The following SOX6 variants were observed in gnomAD, a reference collection of about 807,000 sequenced individuals.
SOX6 encodes transcription factor SOX-6.
A neutral mutation model predicts 97.8 loss-of-function variants in SOX6; 11 were observed. The ratio of observed to expected loss-of-function variants is 0.11; its 90% CI spans 0.07 to 0.19. The LOEUF (loss-of-function observed/expected upper bound fraction) is 0.19. Among genes scored for constraint, SOX6 ranks in the 10% least tolerant of loss-of-function variants. The pLI is 1.00. For synonymous variants in SOX6, 360 were observed against 371.4 expected, an observed-to-expected ratio of 0.97 and a Z score of 0.35; for missense variants, 810 against 1,039.5, an observed-to-expected ratio of 0.78 and a Z score of 3.04.
rs866577511 is a variant in SOX6, at chr11:16,413,331, A to G, written c.-5+62984T>C. On this transcript the variant is annotated intron_variant, in intron 1 of 15. Coordinates refer to the SOX6 transcript ENST00000396356. Reference sequence around the variant, plus strand: ...TCATTCCATCATCCCCTTTAAGTCTAAATTCTTAGAACTCTTGCAAAGATT... The same window carrying G: ...TCATTCCATCATCCCCTTTAAGTCTGAATTCTTAGAACTCTTGCAAAGATT... Among the ~76,000 whole-genome samples, 6 of 152,142 alleles carry G rather than the reference A, an allele frequency of 3.9e-5. No homozygotes were observed. In the South Asian group the frequency reaches 1.2e-3, roughly 32 times the overall value.
At chr11:16,348,885 G>T (rs1394469772) in intron 1 of SOX6, among the ~76,000 whole-genome samples, 2 of 152,038 alleles carry the variant, frequency 1.3e-5, no homozygotes, top group East Asian at 1.9e-4. Flanking sequence ...TTCATCTCAT[G>T]AAAGTGATTT....
chr11:16,214,959 C>T (rs935292821), intron 4 of SOX6, among the ~76,000 whole-genome samples: 1 of 151,794 alleles, frequency 6.6e-6, no homozygotes, highest in East Asian at 1.9e-4. Context: ...CATGTTGATC[C>T]GGCTGGCCTC....
In SOX6 at chr11:16,625,547, T is replaced by C. The variant is rs144501485; in HGVS notation, n.430-13287A>G. On this transcript the variant is annotated intron_variant and non_coding_transcript_variant, in intron 3 of 5. Transcript: ENST00000524520. Reference sequence around the variant, plus strand: ...TGTGTGAGAGGAGCATCTTTTGTTCTAACAAGGTGACTCCTGATGGGCTCC... The same window carrying C: ...TGTGTGAGAGGAGCATCTTTTGTTCCAACAAGGTGACTCCTGATGGGCTCC... Among the ~76,000 whole-genome samples the C allele has an allele frequency of 2.0e-5, 3 of 152,312 alleles. No individual in the cohort carries two copies. In the East Asian group the frequency reaches 5.8e-4, roughly 29 times the overall value.
At chr11:16,712,598 C>A (rs1450753142) in intron 3 of SOX6, among the ~76,000 whole-genome samples, 6 of 152,108 alleles carry the variant, frequency 3.9e-5, no homozygotes. Flanking sequence ...ACACTAAGCT[C>A]TTTTCAGCCT....
chr11:16,370,494 G>C (rs918399949), intron 1 of SOX6, among the ~76,000 whole-genome samples: 1 of 151,930 alleles, frequency 6.6e-6, no homozygotes, highest in African/African-American at 2.4e-5. Flanking sequence ...TTATAAAATA[G>C]GTCTTTAAAA....
intron 1 of SOX6, among the ~76,000 whole-genome samples, chr11:16,431,115 T>C (rs1306167006): frequency 6.6e-6 from 1 of 152,128 alleles, no homozygotes; most frequent in Non-Finnish European, 1.5e-5. Context: ...TCTCCACTTC[T>C]TTCTGGTGTC....
At chr11:16,260,036 G>A (rs1853832792) in intron 3 of SOX6, among the ~76,000 whole-genome samples, 1 of 151,634 alleles carries the variant, frequency 6.6e-6, no homozygotes. Flanking sequence ...GAGTCTCGCT[G>A]TCATCCAGCT....
chr11:16,428,398 G>A (rs1348432251), intron 1 of SOX6, among the ~76,000 whole-genome samples: 9 of 152,138 alleles, frequency 5.9e-5, no homozygotes, highest in Non-Finnish European at 7.3e-5. Context: ...CGAAGTTCTT[G>A]CCCATGCCTA....
intron 3 of SOX6, among the ~76,000 whole-genome samples, chr11:16,651,848 A>G (rs1021775958): frequency 2.0e-5 from 3 of 152,220 alleles, no homozygotes; most frequent in Non-Finnish European, 4.4e-5. Flanking sequence ...CTGTTCACAG[A>G]TTATATGATC....
chr11:16,552,368 T>A (rs536695489), intron 4 of SOX6, among the ~76,000 whole-genome samples: 1 of 152,200 alleles, frequency 6.6e-6, no homozygotes, highest in East Asian at 1.9e-4. Flanking sequence ...GAAAGTAAGA[T>A]GTATGGAATT....
intron 3 of SOX6, among the ~76,000 whole-genome samples, chr11:16,619,559 A>C (rs566169154): frequency 6.6e-6 from 1 of 152,142 alleles, no homozygotes; most frequent in Non-Finnish European, 1.5e-5. Context: ...TGGTGTTTCT[A>C]TTGCCTAGAA....
chr11:16,046,010 C>T (rs551796222), intron 12 of SOX6, among the ~76,000 whole-genome samples: 1 of 152,228 alleles, frequency 6.6e-6, no homozygotes, highest in East Asian at 1.9e-4. Flanking sequence ...GAACAGAGTC[C>T]ATCATAGAAT....
At chr11:16,491,709 T>G (rs896927107) in intron 4 of SOX6, among the ~76,000 whole-genome samples, 1 of 152,148 alleles carries the variant, frequency 6.6e-6, no homozygotes, top group Non-Finnish European at 1.5e-5. Flanking sequence ...GAGAAAAACA[T>G]TCCTTTGGAA....
chr11:15,973,950 A>G (rs961084151), intron 15 of SOX6, among the ~76,000 whole-genome samples: 3 of 152,208 alleles, frequency 2.0e-5, no homozygotes, highest in African/African-American at 4.8e-5. Flanking sequence ...GCAGGGAGAC[A>G]TGATTACTGT....
rs1371819059 is a variant in SOX6, at chr11:16,130,883, T to G, written c.778-18960A>C. Among the ~76,000 whole-genome samples the G allele has an allele frequency of 2.0e-5, 3 of 151,916 alleles. No homozygotes were observed. The East Asian group carries it at 5.8e-4, about 29-fold the overall frequency. ...TAATTCAGTGAGAAGATGATAATCT[T>G]TAAAATAGGCTTTGCTATAAATAGG... On this transcript the variant is annotated intron_variant, in intron 6 of 15. Coordinates refer to ENST00000683767, the MANE Select transcript of SOX6 (RefSeq NM_001367873.1).
intron 3 of SOX6, among the ~76,000 whole-genome samples, chr11:16,700,717 G>A (rs1848086301): frequency 6.6e-6 from 1 of 152,136 alleles, no homozygotes; most frequent in South Asian, 2.1e-4. Flanking sequence ...TGCCCACCAG[G>A]CCCTCTTCTA....
chr11:16,714,471 TCAGA>T (rs1320436686), intron 3 of SOX6, among the ~76,000 whole-genome samples: 5 of 149,000 alleles, frequency 3.4e-5, no homozygotes, highest in Admixed American at 6.7e-5. Flanking sequence ...TTTTTTTTTT[TCAGA>T]CAGAGTCTTG....
At chr11:16,410,395 TA>T (rs1858780273) in intron 1 of SOX6, among the ~76,000 whole-genome samples, 1 of 152,090 alleles carries the variant, frequency 6.6e-6, no homozygotes, top group South Asian at 2.1e-4. Flanking sequence ...TAACATTAAG[TA>T]AGAAACAAAG....
chr11:15,988,904 T>C, intron 14 of SOX6, 93 bp downstream of exon 14: 1 of 1,288,214 alleles, frequency 7.8e-7, no homozygotes. Flanking sequence ...CAATCTCCCT[T>C]AGGATCCTAG....
Sources: allele counts gnomAD v4.1 joint callset (sites outside exome capture counted in the v4.1 genomes callset), GRCh38; gene constraint gnomAD v4.1.1; transcripts MANE v1.5; gene names NCBI Gene and HGNC (gene_info 2026-07-23, HGNC 2026-07-21).